TEX2: variants seen among roughly 807,000 people sequenced by gnomAD.
TEX2 encodes testis expressed 2.
A neutral mutation model predicts 106.9 loss-of-function variants in TEX2; 53 were observed. The observed-to-expected ratio is 0.50, with a 90% CI of 0.40 to 0.62. The LOEUF (loss-of-function observed/expected upper bound fraction) is 0.62, where lower values mean the gene tolerates loss of function less well. Among genes scored for constraint, TEX2 ranks in the 20% least tolerant of loss-of-function variants. TEX2 has a pLI of 0.00. For synonymous variants in TEX2, 523 were observed against 534.8 expected (o/e 0.98, Z 0.30); for missense variants, 1,207 against 1,379.0 (o/e 0.88, Z 1.98).
chr17:64,232,567 A>C (rs1162650384), intron 1 of TEX2, among the ~76,000 whole-genome samples: 3 of 152,244 alleles, frequency 2.0e-5, no homozygotes, highest in African/African-American at 7.2e-5. Flanking sequence ...TCATTTCCAT[A>C]GTCAAGGGCA....
intron 8 of TEX2, chr17:64,155,657 T>C (rs910779267): frequency 2.6e-5 from 4 of 152,186 alleles, no homozygotes; most frequent in African/African-American, 4.8e-5. Context: ...GAAAAATACA[T>C]GTCTAAAGAC....
rs576678543 is a variant in TEX2 at position 64,170,688 on chromosome 17, A to G, written c.2671+412T>C. ...GCTCTTGTCATCCAGGCTGGAGTCCAGTGGCACGATCTTGGCTCACTGCAA... is the reference window on the plus strand; with the variant it reads ...GCTCTTGTCATCCAGGCTGGAGTCCGGTGGCACGATCTTGGCTCACTGCAA... On this transcript the variant is annotated intron_variant, in intron 7 of 11. Transcript: ENST00000584379. 2.5e-5 allele frequency among the ~76,000 whole-genome samples: 3 copies of G among 122,072 alleles called. No individual in the cohort carries two copies. In the South Asian group the frequency reaches 7.9e-4, roughly 32 times the overall value. The allele number at this position is 122,072 out of a possible 152,430, so 80.1% of individuals were successfully genotyped here.
chr17:64,197,745 G>A (rs1555629552), intron 2 of TEX2, among the ~76,000 whole-genome samples: 1 of 152,078 alleles, frequency 6.6e-6, no homozygotes, highest in Non-Finnish European at 1.5e-5. Flanking sequence ...AAAGATCTTT[G>A]TAGAAATGGA....
intron 4 of TEX2, among the ~76,000 whole-genome samples, chr17:64,189,158 C>T (rs951597024): frequency 6.6e-6 from 1 of 152,122 alleles, no homozygotes; most frequent in African/African-American, 2.4e-5. Flanking sequence ...TTCAAGCACA[C>T]CATGCTAAAA....
chr17:64,171,809 A>G (rs571083324), intron 6 of TEX2, among the ~76,000 whole-genome samples: 1 of 151,500 alleles, frequency 6.6e-6, no homozygotes, highest in Non-Finnish European at 1.5e-5. Flanking sequence ...TGAAACCCCA[A>G]CTCTACCAAA....
At chr17:64,176,160 C>G (rs1001160427) in intron 6 of TEX2, among the ~76,000 whole-genome samples, 1 of 152,184 alleles carries the variant, frequency 6.6e-6, no homozygotes, top group Non-Finnish European at 1.5e-5. Context: ...TGAAATCCAC[C>G]CTTCTGGCTC....
chr17:64,181,112 A>AGT (rs1555627319), intron 5 of TEX2, among the ~76,000 whole-genome samples: 6 of 151,890 alleles, frequency 4.0e-5, no homozygotes, highest in Admixed American at 1.3e-4. Flanking sequence ...ACATTATTTA[A>AGT]AACAGTTTTA....
In TEX2 at chr17:64,147,778, T is replaced by C. The variant is rs1367593983; in HGVS notation, c.*1191A>G. The C allele has an allele frequency of 1.3e-5, 2 of 152,624 alleles. No homozygotes were observed. Among genetic ancestry groups the C allele is most frequent in the Non-Finnish European group, 2.9e-5 (2 of 68,052 alleles). The allele number at this position is 152,624 out of a possible 1,614,324, so 9.5% of individuals were successfully genotyped here. On this transcript the variant is annotated 3_prime_UTR_variant, in exon 12 of 12. Coordinates refer to ENST00000584379, the MANE Select transcript of TEX2 (RefSeq NM_001288732.2). ...TCTTTAAAGTCATGTTCAGGCAAGG[T>C]GCTGTTTAAAAAACCACTATTAGCT...
intron 8 of TEX2, among the ~76,000 whole-genome samples, chr17:64,157,271 C>G (rs1207216295): frequency 6.6e-6 from 1 of 152,160 alleles, no homozygotes; most frequent in African/African-American, 2.4e-5. Flanking sequence ...CCTCAGAATT[C>G]CAGATGAGTG....
chr17:64,219,549 A>AAATAT (rs2033298479), intron 1 of TEX2, among the ~76,000 whole-genome samples: 1 of 146,696 alleles, frequency 6.8e-6, no homozygotes, highest in African/African-American at 2.5e-5. Context: ...AAATAAAATA[A>AAATAT]AATATCTAAA....
At chr17:64,237,114 T>C (rs1426945276) in intron 1 of TEX2, among the ~76,000 whole-genome samples, 2 of 152,138 alleles carry the variant, frequency 1.3e-5, no homozygotes, top group Non-Finnish European at 2.9e-5. Flanking sequence ...TTTTGAATAT[T>C]AATCACAGAA....
chr17:64,170,877 C>T (rs991338731), intron 7 of TEX2, among the ~76,000 whole-genome samples: 7 of 152,058 alleles, frequency 4.6e-5, no homozygotes, highest in East Asian at 1.9e-4. Flanking sequence ...TCAGGTGATC[C>T]GCCTGCCTTG....
At chr17:64,188,452 A>C in intron 4 of TEX2, 37 bp from the exon 5 acceptor site, 1 of 1,593,480 alleles carries the variant, frequency 6.3e-7, no homozygotes, top group Non-Finnish European at 8.5e-7. Flanking sequence ...CACACAATGA[A>C]GAAAACAACT....
At position 64,188,338 on chromosome 17, in the gene TEX2, C is replaced by T; in HGVS notation, c.2254G>A (p.Val752Met). 6.2e-7 allele frequency: 1 copy of T among 1,614,224 alleles called. No homozygotes were observed. The highest frequency in any genetic ancestry group is 8.5e-7 in the Non-Finnish European group (1 of 1,180,032). The stretch of plus-strand genomic sequence containing the variant: ...TTTGGCTGTGACATGATCTCCTCCA[C>T]ACTGCCTTTGCTGCTGCTGCGGCTG... ...THSRSSSKGS[V>M]EEIMSQPKQK... The change falls in exon 5 of 12, where the codon GTG (valine) becomes ATG (methionine). Residue 752 changes from valine (V) to methionine (M), a missense_variant. Val to Met is a conservative substitution (Grantham distance 21, BLOSUM62 1). Around this residue, in one of 3 missense-constraint regions of TEX2, gnomAD observed 1,067 missense variants for 1,193.6 expected, o/e 0.89. Coordinates refer to ENST00000584379, the MANE Select transcript of TEX2 (RefSeq NM_001288732.2).
chr17:64,161,797 T>C (rs750224021), intron 7 of TEX2, among the ~76,000 whole-genome samples: 2 of 152,270 alleles, frequency 1.3e-5, no homozygotes, highest in East Asian at 1.9e-4. Context: ...GAAGACCTCA[T>C]GGACTTTCTA....
At chr17:64,151,399 A>T (rs2030347434) in intron 10 of TEX2, among the ~76,000 whole-genome samples, 1 of 152,204 alleles carries the variant, frequency 6.6e-6, no homozygotes, top group Non-Finnish European at 1.5e-5. Flanking sequence ...AGGACTATTG[A>T]CAGAAGTAGG....
At chr17:64,250,198 C>A (rs2034063935) in intron 1 of TEX2, among the ~76,000 whole-genome samples, 1 of 152,204 alleles carries the variant, frequency 6.6e-6, no homozygotes, top group Non-Finnish European at 1.5e-5. Context: ...AACCGTCAAG[C>A]AGTCACTTCT....
intron 1 of TEX2, chr17:64,230,498 C>T (rs1212936160): frequency 6.6e-6 from 1 of 152,318 alleles, no homozygotes. Flanking sequence ...ATTCCCCACC[C>T]AACTCTACCT....
At chr17:64,209,656 A>G (rs1445508638) in intron 2 of TEX2, among the ~76,000 whole-genome samples, 9 of 152,228 alleles carry the variant, frequency 5.9e-5, no homozygotes, top group African/African-American at 2.2e-4. Flanking sequence ...TCCTTAAAAG[A>G]AAACACTGTC....
Sources: allele counts gnomAD v4.1 joint callset (sites outside exome capture counted in the v4.1 genomes callset), GRCh38; gene constraint gnomAD v4.1.1; regional missense constraint gnomAD v4.1.1; transcripts MANE v1.5; gene names NCBI Gene and HGNC (gene_info 2026-07-23, HGNC 2026-07-21).